DST: variants seen among roughly 807,000 people sequenced by gnomAD.
The protein encoded by DST is bullous pemphigoid antigen.
DST carries 253 observed loss-of-function variants against 875.2 expected under a neutral mutation model. The ratio of observed to expected loss-of-function variants is 0.29; its 90% CI spans 0.26 to 0.32. DST has a LOEUF of 0.32. Ranked by LOEUF, DST falls within the 10% of genes least tolerant of loss-of-function variation. The pLI is 1.00. For synonymous variants in DST, 3,124 were observed against 3,197.1 expected (o/e 0.98, Z 0.77); for missense variants, 8,287 against 9,111.6 (o/e 0.91, Z 3.68).
At chr6:56,878,336 C>A (rs1245277393) in intron 3 of DST, among the ~76,000 whole-genome samples, 1 of 152,144 alleles carries the variant, frequency 6.6e-6, no homozygotes, top group African/African-American at 2.4e-5. Context: ...GTTTAAGGAA[C>A]ATGTGACTAG....
Position 56,631,889 on chromosome 6 carries a change from T to C in DST, c.3957A>G (p.Glu1319=). The C allele has an allele frequency of 6.2e-7, 1 of 1,613,966 alleles. No homozygotes were observed. The highest frequency in any genetic ancestry group is 1.7e-5 in the Admixed American group (1 of 60,020). Residue 1319 remains glutamate, a synonymous_variant, in exon 29 of 104, where the codon GAA becomes GAG. Coordinates refer to ENST00000680361, the MANE Select transcript of DST (RefSeq NM_001374736.1). The part of the protein sequence containing the change: ...DLHESVFRIT[E]QEKLKKELER... Reference sequence around the variant, plus strand: ...ACATATTTATAGCTCTCACCTCCTGTTCTGTGATTCTGAACACACTTTCAT... The same window carrying C: ...ACATATTTATAGCTCTCACCTCCTGCTCTGTGATTCTGAACACACTTTCAT...
At chr6:56,707,648 T>C (rs2099346560) in intron 5 of DST, among the ~76,000 whole-genome samples, 1 of 152,174 alleles carries the variant, frequency 6.6e-6, no homozygotes, top group Non-Finnish European at 1.5e-5. Flanking sequence ...TTCTTGTGTC[T>C]TTCTCACTCC....
intron 3 of DST, among the ~76,000 whole-genome samples, chr6:56,858,717 C>A (rs1277934427): frequency 6.6e-6 from 1 of 152,170 alleles, no homozygotes; most frequent in Non-Finnish European, 1.5e-5. Context: ...GAATCCTAGA[C>A]AATCAAGGCT....
chr6:56,519,257 T>C (rs918110089), intron 69 of DST, among the ~76,000 whole-genome samples: 3 of 152,174 alleles, frequency 2.0e-5, no homozygotes, highest in African/African-American at 7.2e-5. Flanking sequence ...AGGAGTAGTT[T>C]AGCAAAACAG....
chr6:56,886,703 A>G (rs577724879), intron 3 of DST, among the ~76,000 whole-genome samples: 121 of 142,854 alleles, frequency 8.5e-4, no homozygotes, highest in African/African-American at 3.0e-3. Context: ...TGAACCCAGG[A>G]GGTGGAGTTT....
chr6:56,552,153 A>T (rs561272918), intron 61 of DST, 31 bp downstream of exon 61: 1 of 1,545,332 alleles, frequency 6.5e-7, no homozygotes, highest in South Asian at 1.3e-5. Flanking sequence ...TTGACAATAA[A>T]AACACTGGGT....
At chr6:56,900,317 C>T in intron 3 of DST, 104 bp downstream of exon 3, 3 of 976,862 alleles carry the variant, frequency 3.1e-6, no homozygotes, top group Non-Finnish European at 2.8e-6. Context: ...ATAACAACAA[C>T]CTAATTATTC....
chr6:56,494,797 T>C (rs1200600826), intron 82 of DST, among the ~76,000 whole-genome samples: 3 of 152,086 alleles, frequency 2.0e-5, no homozygotes, highest in Non-Finnish European at 4.4e-5. Flanking sequence ...ACATAAAATA[T>C]TGCTTAAACA....
intron 49 of DST, among the ~76,000 whole-genome samples, chr6:56,589,295 C>T (rs1040423257): frequency 2.0e-5 from 3 of 152,186 alleles, no homozygotes; most frequent in Non-Finnish European, 2.9e-5. Flanking sequence ...CATGCCTTTA[C>T]TCTTGACAAT....
chr6:56,598,618 A>G lies in DST; in HGVS notation c.11786T>C (p.Leu3929Pro). 6.2e-7 allele frequency: 1 copy of G among 1,612,104 alleles called. No homozygotes were observed. The highest frequency in any genetic ancestry group is 1.1e-5 in the South Asian group (1 of 90,798). The change falls in exon 46 of 104, where the codon CTG becomes CCG. Residue 3929 changes from leucine to proline, a missense_variant. This residue lies in a region of DST where 1,513 missense variants were observed against 1,677.8 expected (regional missense o/e 0.90). Coordinates refer to ENST00000680361, the MANE Select transcript of DST (RefSeq NM_001374736.1). ...ENFLKENGEKLSQEDKALIEQ... is the reference protein window; with the variant it reads ...ENFLKENGEKPSQEDKALIEQ... ...AATCAAAGCCTTATCTTCCTGTGAC[A>G]GCTTTTCACCATTCTCTTTTAAGAA...
intron 2 of DST, among the ~76,000 whole-genome samples, chr6:56,935,441 T>G (rs542934396): frequency 5.4e-4 from 83 of 152,342 alleles, no homozygotes; most frequent in Admixed American, 1.8e-3. Flanking sequence ...TTCTTCAAAG[T>G]TGGTCAGTTA....
intron 62 of DST, among the ~76,000 whole-genome samples, chr6:56,535,626 TTATCAATATTGCATTTTATTTCCTTC>T (rs2096981882): frequency 6.6e-6 from 1 of 152,260 alleles, no homozygotes; most frequent in Admixed American, 6.5e-5. Flanking sequence ...TTAGTCATTT[TTATCAATATTGCATTTTATTTCCTTC>T]TAATAAATAT....
At chr6:56,695,950 T>C (rs1449754283) in intron 9 of DST, among the ~76,000 whole-genome samples, 1 of 152,200 alleles carries the variant, frequency 6.6e-6, no homozygotes, top group Non-Finnish European at 1.5e-5. Flanking sequence ...CAAAAAACAA[T>C]TCTTATCTCA....
chr6:56,569,444 T>C (rs1391908941), intron 54 of DST, among the ~76,000 whole-genome samples: 1 of 152,134 alleles, frequency 6.6e-6, no homozygotes, highest in Non-Finnish European at 1.5e-5. Context: ...TGTGCACTAT[T>C]TATGCAGGAG....
rs2096570512 is a variant in DST, at chr6:56,515,497, G to A, written c.18529C>T (p.Pro6177Ser). The change falls in exon 72 of 104, where the codon CCA (proline) becomes TCA (serine). Residue 6177 changes from proline (P) to serine (S), a missense_variant. Transcript: ENST00000680361. Reference sequence around the variant, plus strand: ...CTTAGAGTTTCATATTCAAGGGCTGGGGCGGGAAGCTGAGAGATGATTGAT... The same window carrying A: ...CTTAGAGTTTCATATTCAAGGGCTGAGGCGGGAAGCTGAGAGATGATTGAT... ...TQSIISQLPA[P>S]ALEYETLRQQ... 6.2e-7 allele frequency: 1 copy of A among 1,613,758 alleles called. No homozygotes were observed. Among genetic ancestry groups the A allele is most frequent in the African/African-American group, 1.3e-5 (1 of 74,902 alleles).
chr6:56,812,074 C>T (rs559749723), intron 4 of DST, among the ~76,000 whole-genome samples: 193 of 119,302 alleles, frequency 1.6e-3, no homozygotes, highest in African/African-American at 5.8e-3. Context: ...TGCACTCCAG[C>T]CTGGGCAACA....
chr6:56,546,378 ATATATATAT>A (rs1562695668), intron 61 of DST, among the ~76,000 whole-genome samples: 19 of 136,014 alleles, frequency 1.4e-4, no homozygotes, highest in Non-Finnish European at 2.4e-4. Context: ...ATATATATAT[ATATATATAT>A]ATAAATGTCA....
chr6:56,949,412 T>A (rs1206813847), intron 2 of DST, among the ~76,000 whole-genome samples: 1 of 152,198 alleles, frequency 6.6e-6, no homozygotes, highest in Non-Finnish European at 1.5e-5. Context: ...CAGCCTCCGA[T>A]GCTCTCATTG....
chr6:56,616,106 G>T, intron 36 of DST: 1 of 1,614,174 alleles, frequency 6.2e-7, no homozygotes, highest in East Asian at 2.2e-5. Flanking sequence ...CCCACTAGCA[G>T]TCAGCCAATA....
Sources: gnomAD v4.1 joint callset for allele counts (sites outside exome capture counted in the v4.1 genomes callset) on GRCh38, gnomAD v4.1.1 for gene constraint, gnomAD v4.1.1 regional missense constraint, MANE v1.5 for transcripts, NCBI Gene and HGNC (gene_info 2026-07-23, HGNC 2026-07-21) for gene names.